The following OBI1 variants were observed in gnomAD, a reference collection of about 807,000 sequenced individuals.
OBI1 encodes ring finger protein 219.
A neutral mutation model predicts 62.4 loss-of-function variants in OBI1; 59 were observed. That is an observed-to-expected ratio of 0.95 (90% CI 0.77 to 1.17). The LOEUF (loss-of-function observed/expected upper bound fraction) is 1.17. Ranked by LOEUF, OBI1 falls within the 50% of genes most tolerant of loss-of-function variation. The pLI is 0.00. For missense variants in OBI1, 875 were observed against 830.9 expected (o/e 1.05, Z -0.65); for synonymous variants, 302 against 292.8 (o/e 1.03, Z -0.32).
chr13:78,645,940 G>A (rs1376307833), intron 1 of OBI1, among the ~76,000 whole-genome samples: 2 of 152,110 alleles, frequency 1.3e-5, no homozygotes, highest in African/African-American at 4.8e-5. Context: ...GTGAGCCACC[G>A]CGCCTGGCCT....
intron 1 of OBI1, 81 bp downstream of exon 1, chr13:78,658,968 C>A: frequency 7.6e-7 from 1 of 1,310,558 alleles, no homozygotes; most frequent in African/African-American, 1.4e-5. Flanking sequence ...CCCTTCCCCG[C>A]CCCCGCACGA....
intron 1 of OBI1, among the ~76,000 whole-genome samples, chr13:78,655,018 T>A (rs1457553707): frequency 6.6e-6 from 1 of 152,230 alleles, no homozygotes; most frequent in African/African-American, 2.4e-5. Flanking sequence ...GAGAAATAAC[T>A]GAATATGATA....
At chr13:78,622,720 T>C (rs1304300394) in intron 5 of OBI1, among the ~76,000 whole-genome samples, 1 of 152,174 alleles carries the variant, frequency 6.6e-6, no homozygotes, top group Non-Finnish European at 1.5e-5. Context: ...CTCTTTTTGA[T>C]TACACTTAAT....
intron 4 of OBI1, 61 bp downstream of exon 4, chr13:78,638,762 T>C (rs1876106412): frequency 5.6e-6 from 8 of 1,439,352 alleles, no homozygotes; most frequent in African/African-American, 1.4e-5. Context: ...TGGCTATTTA[T>C]GCTTTTGAAG....
intron 4 of OBI1, among the ~76,000 whole-genome samples, chr13:78,638,595 A>AC (rs1323902850): frequency 6.6e-6 from 1 of 152,198 alleles, no homozygotes; most frequent in Non-Finnish European, 1.5e-5. Flanking sequence ...ATACAGAAGC[A>AC]CAACAGTCTC....
chr13:78,652,957 T>C (rs1566287804), intron 1 of OBI1, among the ~76,000 whole-genome samples: 1 of 152,154 alleles, frequency 6.6e-6, no homozygotes, highest in Non-Finnish European at 1.5e-5. Context: ...GAGGGGGCAG[T>C]TCTTGGGGCA....
intron 1 of OBI1, among the ~76,000 whole-genome samples, chr13:78,648,299 CACACACACACACAG>C (rs1277128618): frequency 6.6e-6 from 1 of 151,768 alleles, no homozygotes; most frequent in African/African-American, 2.4e-5. Flanking sequence ...CACACACACA[CACACACACACACAG>C]ACACACACAC....
At chr13:78,625,667 A>G (rs1875644896) in intron 5 of OBI1, among the ~76,000 whole-genome samples, 1 of 152,296 alleles carries the variant, frequency 6.6e-6, no homozygotes, top group African/African-American at 2.4e-5. Context: ...TCTATCCCCA[A>G]TTAAGTGAAT....
intron 3 of OBI1, among the ~76,000 whole-genome samples, chr13:78,639,915 C>T (rs1379870199): frequency 2.0e-5 from 3 of 148,962 alleles, no homozygotes; most frequent in African/African-American, 7.5e-5. Context: ...GTGGGTGCAG[C>T]GCACCAGCAT....
At chr13:78,617,291 C>G in intron 5 of OBI1, 169 bp from the exon 6 acceptor site, 1 of 503,916 alleles carries the variant, frequency 2.0e-6, no homozygotes, top group Non-Finnish European at 3.4e-6. Context: ...ATGGTTTCCC[C>G]ACTTACATAA....
At chr13:78,630,682 T>C (rs912809256) in intron 5 of OBI1, among the ~76,000 whole-genome samples, 4 of 152,096 alleles carry the variant, frequency 2.6e-5, no homozygotes, top group Non-Finnish European at 4.4e-5. Flanking sequence ...CATTCGAGGA[T>C]ACAGCAAAAA....
chr13:78,657,315 A>C (rs565611195), intron 1 of OBI1, among the ~76,000 whole-genome samples: 1 of 151,896 alleles, frequency 6.6e-6, no homozygotes, highest in Non-Finnish European at 1.5e-5. Flanking sequence ...AAAATGCCTG[A>C]TGTCATGGAT....
At chr13:78,630,511 T>C (rs1374439463) in intron 5 of OBI1, among the ~76,000 whole-genome samples, 2 of 152,132 alleles carry the variant, frequency 1.3e-5, no homozygotes, top group South Asian at 2.1e-4. Flanking sequence ...TGAAACCTAA[T>C]CCCTAAAGTG....
Position 78,631,011 on chromosome 13 carries a change from T to C in OBI1, c.638+4099A>G, listed in dbSNP as rs1007957178. 4.6e-5 allele frequency among the ~76,000 whole-genome samples: 7 copies of C among 152,180 alleles called. No homozygotes were observed. The South Asian group carries it at 1.0e-3, about 23-fold the overall frequency. The stretch of plus-strand genomic sequence containing the variant: ...TAATCAGTATGCTAACAAGTCCACA[T>C]TGCATTTGGTTATTATGTTTCATAG... On this transcript the variant is annotated intron_variant, in intron 5 of 5. Transcript: ENST00000282003.
intron 1 of OBI1, among the ~76,000 whole-genome samples, chr13:78,652,025 G>A (rs549643919): frequency 4.6e-5 from 7 of 152,230 alleles, no homozygotes; most frequent in East Asian, 3.9e-4. Flanking sequence ...ACCACAGGCC[G>A]ACTGCTTGGC....
At chr13:78,644,629 T>C (rs1169822909) in intron 2 of OBI1, among the ~76,000 whole-genome samples, 2 of 152,106 alleles carry the variant, frequency 1.3e-5, no homozygotes, top group African/African-American at 4.8e-5. Context: ...TTTGGTTCAG[T>C]TGCTATGAAA....
intron 4 of OBI1, 132 bp downstream of exon 4, chr13:78,638,691 A>G (rs1190087741): frequency 1.3e-6 from 1 of 795,490 alleles, no homozygotes; most frequent in Admixed American, 2.9e-5. Context: ...TTGCATATAA[A>G]TGCTCATCCA....
chr13:78,637,162 A>G (rs1876054835), intron 4 of OBI1, among the ~76,000 whole-genome samples: 1 of 152,194 alleles, frequency 6.6e-6, no homozygotes, highest in Non-Finnish European at 1.5e-5. Context: ...ATCAGAAAAA[A>G]AGTCCACTTC....
intron 5 of OBI1, among the ~76,000 whole-genome samples, chr13:78,627,719 T>C (rs1298267035): frequency 1.3e-5 from 2 of 152,242 alleles, no homozygotes; most frequent in African/African-American, 4.8e-5. Flanking sequence ...CTATTGTAAA[T>C]AGTTCTGCAA....
Sources: gnomAD v4.1 joint callset for allele counts (sites outside exome capture counted in the v4.1 genomes callset) on GRCh38, gnomAD v4.1.1 for gene constraint, MANE v1.5 for transcripts, NCBI Gene and HGNC (gene_info 2026-07-23, HGNC 2026-07-21) for gene names.